Variants in PGGHG observed in about 807,000 individuals in gnomAD.
PGGHG encodes protein-glucosylgalactosylhydroxylysine glucosidase.
A neutral mutation model predicts 74.5 loss-of-function variants in PGGHG; 67 were observed. That is an observed-to-expected ratio of 0.90 (90% CI 0.74 to 1.10). The LOEUF (loss-of-function observed/expected upper bound fraction) is 1.10, where lower values mean the gene tolerates loss of function less well. PGGHG is among the 50% of genes least tolerant of loss of function. PGGHG has a pLI of 0.00. For missense variants in PGGHG, 1,034 were observed against 981.5 expected, an observed-to-expected ratio of 1.05 and a Z score of -0.72; for synonymous variants, 496 against 419.9, an observed-to-expected ratio of 1.18 and a Z score of -2.21.
In PGGHG at chr11:294,355, A is replaced by G; in HGVS notation, c.1897A>G (p.Lys633Glu). ...SVSGIFYQGN[K>E]LNFSFSEDSV... Reference sequence around the variant, plus strand: ...CTCCGGCATCTTCTACCAGGGGAACAAGCTCAACTTCTCTTTTTCCGAGGA... The same window carrying G: ...CTCCGGCATCTTCTACCAGGGGAACGAGCTCAACTTCTCTTTTTCCGAGGA... Residue 633 changes from lysine (K) to glutamate (E), a missense_variant, in exon 13 of 14, where the codon AAG becomes GAG. Physicochemically the swap from Lys to Glu is moderately conservative, Grantham distance 56. Coordinates refer to ENST00000409548, the MANE Select transcript of PGGHG (RefSeq NM_025092.5). 1 of 1,613,064 alleles carries G rather than the reference A, an allele frequency of 6.2e-7. No individual in the cohort carries two copies. Among genetic ancestry groups the G allele is most frequent in the Non-Finnish European group, 8.5e-7 (1 of 1,179,940 alleles).
At chr11:293,532 C>G in intron 9 of PGGHG, 30 bp downstream of exon 9, 1 of 1,612,082 alleles carries the variant, frequency 6.2e-7, no homozygotes, top group Non-Finnish European at 8.5e-7. Context: ...GGCTCCTCCC[C>G]TGCCGTCGAG....
Position 289,546 on chromosome 11 carries a change from T to G in PGGHG, c.-13-258T>G. On this transcript the variant is annotated intron_variant, in intron 1 of 13. Transcript: ENST00000409548. The surrounding 1 kb of genome is among the most constrained non-coding windows in gnomAD (Gnocchi z 5.6). Reference sequence around the variant, plus strand: ...GAAAGCAGGGTTAGGACTGGAATTCTAAGGTAGCAGGAGGGAGAGACACAC... The same window carrying G: ...GAAAGCAGGGTTAGGACTGGAATTCGAAGGTAGCAGGAGGGAGAGACACAC... The G allele has an allele frequency of 1.9e-6, 1 of 519,928 alleles. No homozygotes were observed. Among genetic ancestry groups the G allele is most frequent in the Non-Finnish European group, 3.4e-6 (1 of 294,410 alleles). The allele number at this position is 519,928 out of a possible 1,614,324, so 32.2% of individuals were successfully genotyped here.
At chr11:291,224 C>G in intron 4 of PGGHG, 111 bp downstream of exon 4, 1 of 1,326,052 alleles carries the variant, frequency 7.5e-7, no homozygotes, top group Non-Finnish European at 1.0e-6. Flanking sequence ...GGGACTGTGG[C>G]AAAAGGGAAG....
In PGGHG at chr11:295,000, G is replaced by A. The variant is rs1015956553; in HGVS notation, c.*251G>A. 3.9e-5 allele frequency: 17 copies of A among 436,776 alleles called. No individual in the cohort carries two copies. Among genetic ancestry groups the A allele is most frequent in the Admixed American group, 7.7e-5 (2 of 25,864 alleles). 27.1% of individuals were successfully genotyped at this position (436,776 alleles called of 1,614,324 possible). On this transcript the variant is annotated 3_prime_UTR_variant, in exon 14 of 14. Transcript: ENST00000409548. ...CCTGCCCCTGTGGACTGATGCTATC[G>A]CGCACCGTCCCACGACCCCACCCCG... is the stretch of plus-strand genomic sequence containing the variant.
intron 7 of PGGHG, 23 bp from the exon 8 acceptor site, chr11:293,140 C>G: frequency 6.2e-7 from 1 of 1,613,930 alleles, no homozygotes. Flanking sequence ...GCACTGAGCA[C>G]CATCTTGGAC....
rs1845784258 is a variant in PGGHG at position 293,352 on chromosome 11, A to C, written c.1344-14A>C. On this transcript the variant is annotated splice_polypyrimidine_tract_variant and intron_variant, in intron 8 of 13. Coordinates refer to ENST00000409548, the MANE Select transcript of PGGHG (RefSeq NM_025092.5). Reference sequence around the variant, plus strand: ...GTAGGGGTTGCAGCCTCCCCCACCTACCTCCACCTCCAGCCTGCGCTTTGC... The same window carrying C: ...GTAGGGGTTGCAGCCTCCCCCACCTCCCTCCACCTCCAGCCTGCGCTTTGC... 5 of 1,607,578 alleles carry C rather than the reference A, an allele frequency of 3.1e-6. No homozygotes were observed. The highest frequency in any genetic ancestry group is 4.2e-6 in the Non-Finnish European group (5 of 1,178,426).
rs1333934824 is a variant in PGGHG, at chr11:295,884, CAG to C, written c.*1136_*1137del. 3.3e-5 allele frequency: 5 copies of C among 152,352 alleles called. No individual in the cohort carries two copies. The highest frequency in any genetic ancestry group is 2.1e-4 in the South Asian group (1 of 4,830). 9.4% of individuals were successfully genotyped at this position (152,352 alleles called of 1,614,324 possible). On this transcript the variant is annotated 3_prime_UTR_variant, in exon 14 of 14. Coordinates refer to ENST00000409548, the MANE Select transcript of PGGHG (RefSeq NM_025092.5). ...GACAGCAGAGGTTTGGACGGAGACT[CAG>C]GGAGGGAGGGAAGGAGGCAAGGACG...
rs1845691613 is a variant in PGGHG at position 290,673 on chromosome 11, C to T, written c.471-5C>T. On this transcript the variant is annotated splice_polypyrimidine_tract_variant and splice_region_variant and intron_variant, in intron 3 of 13. Coordinates refer to ENST00000409548, the MANE Select transcript of PGGHG (RefSeq NM_025092.5). ...CATCCCTGAGGCATGGCCACGCTCT[C>T]ACAGGTACCTGTATGGCCACACCCT... 1 of 1,608,676 alleles carries T rather than the reference C, an allele frequency of 6.2e-7. No homozygotes were observed. Among genetic ancestry groups the T allele is most frequent in the South Asian group, 1.1e-5 (1 of 90,828 alleles).
chr11:293,025 G>A (rs781691940), intron 7 of PGGHG, 28 bp downstream of exon 7: 2 of 1,613,930 alleles, frequency 1.2e-6, no homozygotes, highest in East Asian at 4.5e-5. Context: ...AGGGGCTCGG[G>A]GAGGAAGGGT....
chr11:292,955 C>T lies in PGGHG; in HGVS notation c.1228C>T (p.Arg410Cys), dbSNP rs770309826. 14 of 1,613,862 alleles carry T rather than the reference C, an allele frequency of 8.7e-6. No homozygotes were observed. The highest frequency in any genetic ancestry group is 2.2e-5 in the East Asian group (1 of 44,876). The change falls in exon 7 of 14, where the codon CGT becomes TGT. Residue 410 changes from arginine to cysteine, a missense_variant. Transcript: ENST00000409548. ...VRAVAEFWCSRVEWSPREEKY... is the reference protein window; with the variant it reads ...VRAVAEFWCSCVEWSPREEKY... Reference sequence around the variant, plus strand: ...GGCTGTGGCCGAGTTTTGGTGCAGTCGTGTTGAGTGGAGCCCCAGGGAGGA... The same window carrying T: ...GGCTGTGGCCGAGTTTTGGTGCAGTTGTGTTGAGTGGAGCCCCAGGGAGGA...
chr11:294,652 T>C lies in PGGHG; in HGVS notation c.2117T>C (p.Phe706Ser). ...SSSSEFPGRT[F>S]SDVRDPLQSP... Reference sequence around the variant, plus strand: ...AGCTCCGAGTTCCCTGGGAGGACTTTTTCAGATGTTAGGGACCCGCTCCAG... The same window carrying C: ...AGCTCCGAGTTCCCTGGGAGGACTTCTTCAGATGTTAGGGACCCGCTCCAG... Residue 706 changes from phenylalanine to serine, a missense_variant, in exon 14 of 14, where the codon TTT becomes TCT. Coordinates refer to ENST00000409548, the MANE Select transcript of PGGHG (RefSeq NM_025092.5). 2 of 1,612,976 alleles carry C rather than the reference T, an allele frequency of 1.2e-6. No individual in the cohort carries two copies. Among genetic ancestry groups the C allele is most frequent in the African/African-American group, 1.3e-5 (1 of 74,632 alleles).
chr11:291,941 C>T (rs1845734749), intron 4 of PGGHG, 35 bp from the exon 5 acceptor site: 1 of 1,571,318 alleles, frequency 6.4e-7, no homozygotes, highest in Non-Finnish European at 8.6e-7. Context: ...CAGTGACGGC[C>T]TGTCCGGCGC....
At position 294,789 on chromosome 11, in the gene PGGHG, C is replaced by G; in HGVS notation, c.*40C>G. On this transcript the variant is annotated 3_prime_UTR_variant, in exon 14 of 14. Coordinates refer to ENST00000409548, the MANE Select transcript of PGGHG (RefSeq NM_025092.5). ...TTCAGAGACGTCTCTTGGGCCTTCC[C>G]TCTGGCCACGTCTGCACCCACCCCT... 1 of 1,549,286 alleles carries G rather than the reference C, an allele frequency of 6.5e-7. No homozygotes were observed. Among genetic ancestry groups the G allele is most frequent in the Non-Finnish European group, 8.7e-7 (1 of 1,143,310 alleles).
chr11:293,537 G>A lies in PGGHG; in HGVS notation c.1480+35G>A, dbSNP rs752732294. ...CCCCTTCAAGGGCTCCTCCCCTGCC[G>A]TCGAGACCCTCGAGTCTGTCCTGGA... On this transcript the variant is annotated intron_variant, in intron 9 of 13. Transcript: ENST00000409548. 26 of 1,612,074 alleles carry A rather than the reference G, an allele frequency of 1.6e-5. No homozygotes were observed. The Middle Eastern group carries it at 4.9e-4, about 31-fold the overall frequency.
In PGGHG at chr11:289,399, C is replaced by G. The variant is rs1348614111; in HGVS notation, c.-14+160C>G. 1.3e-3 allele frequency among the ~76,000 whole-genome samples: 186 copies of G among 147,442 alleles called. 7 individuals carry two copies. The East Asian group carries it at 0.037, about 29-fold the overall frequency. ...GCGCCCCGGCAGCCCCGGACTCCCT[C>G]CCCCATCCCGCCCAGCGCTCCCCCC... On this transcript the variant is annotated intron_variant, in intron 1 of 13. Coordinates refer to ENST00000409548, the MANE Select transcript of PGGHG (RefSeq NM_025092.5). The surrounding 1 kb of genome is among the most constrained non-coding windows in gnomAD (Gnocchi z 5.6).
chr11:291,319 C>T (rs909967645), intron 4 of PGGHG: 22 of 607,472 alleles, frequency 3.6e-5, no homozygotes, highest in Non-Finnish European at 5.0e-5. Flanking sequence ...CTGAGAGGGC[C>T]TGAGGCACTT....
chr11:293,304 C>G, intron 8 of PGGHG, 62 bp from the exon 9 acceptor site: 1 of 1,602,840 alleles, frequency 6.2e-7, no homozygotes, highest in East Asian at 2.2e-5. Context: ...GGTGCCCCCA[C>G]TAGGCAGGCA....
At chr11:292,221 C>T (rs1010226229) in intron 5 of PGGHG, 126 bp downstream of exon 5, 6 of 1,343,048 alleles carry the variant, frequency 4.5e-6, no homozygotes, top group African/African-American at 1.5e-5. Flanking sequence ...AGATTCCCCA[C>T]CCTGAGGCTT....
In PGGHG at chr11:290,596, G is replaced by T. The variant is rs573854094; in HGVS notation, c.466G>T (p.Ala156Ser). 2 of 1,565,492 alleles carry T rather than the reference G, an allele frequency of 1.3e-6. No homozygotes were observed. Among genetic ancestry groups the T allele is most frequent in the South Asian group, 1.2e-5 (1 of 86,012 alleles). The change falls in exon 3 of 14, where the codon GCC becomes TCC. Residue 156 changes from alanine (A) to serine (S), a missense_variant. Physicochemically the swap from Ala to Ser is moderately conservative, Grantham distance 99. Coordinates refer to ENST00000409548, the MANE Select transcript of PGGHG (RefSeq NM_025092.5). ...DLHQGPDFQGARYLYGHTLTP... is the reference protein window; with the variant it reads ...DLHQGPDFQGSRYLYGHTLTP... ...GCATCAGGGTCCTGACTTCCAGGGA[G>T]CCCGGTAAGGAGGGGGCTGGATTTG...
Sources: allele counts gnomAD v4.1 joint callset (sites outside exome capture counted in the v4.1 genomes callset), GRCh38; gene constraint gnomAD v4.1.1; non-coding constraint Gnocchi (gnomAD v3.1); transcripts MANE v1.5; gene names NCBI Gene and HGNC (gene_info 2026-07-23, HGNC 2026-07-21).